TRPM3: variants seen among roughly 807,000 people sequenced by gnomAD.
The protein encoded by TRPM3 is transient receptor potential cation channel subfamily M member 3.
TRPM3 carries 77 observed loss-of-function variants against 181.2 expected under a neutral mutation model. That is an observed-to-expected ratio of 0.42 (90% confidence interval 0.35 to 0.51). TRPM3 has a LOEUF of 0.51. Among genes scored for constraint, TRPM3 ranks in the 20% least tolerant of loss-of-function variants. TRPM3 has a pLI of 0.01. For missense variants in TRPM3, 1,759 were observed against 2,196.7 expected, an observed-to-expected ratio of 0.80 and a Z score of 3.98; for synonymous variants, 745 against 796.4, an observed-to-expected ratio of 0.94 and a Z score of 1.09.
intron 1 of TRPM3, among the ~76,000 whole-genome samples, chr9:71,103,577 C>A (rs1221530042): frequency 2.6e-5 from 4 of 152,072 alleles, no homozygotes; most frequent in African/African-American, 9.7e-5. Flanking sequence ...ACAAAGAGGG[C>A]AGAACAATGA....
intron 1 of TRPM3, among the ~76,000 whole-genome samples, chr9:71,379,312 T>C (rs1457829459): frequency 6.6e-6 from 1 of 152,078 alleles, no homozygotes; most frequent in Non-Finnish European, 1.5e-5. Flanking sequence ...TCATATCAAC[T>C]TTTCTGAAAC....
chr9:70,827,291 C>A (rs1588917254), intron 6 of TRPM3: 1 of 149,376 alleles, frequency 6.7e-6, no homozygotes, highest in African/African-American at 2.4e-5. Flanking sequence ...TTCTGTTTAG[C>A]CACCAAAAAA....
chr9:70,822,759 T>TTGTGTGTGTGTGTG (rs113090222), intron 6 of TRPM3, among the ~76,000 whole-genome samples: 22 of 147,098 alleles, frequency 1.5e-4, no homozygotes, highest in African/African-American at 4.6e-4. Flanking sequence ...AAGATTTGTC[T>TTGTGTGTGTGTGTG]TGTGTGTGTG....
chr9:71,392,698 T>C (rs996536520), intron 1 of TRPM3, among the ~76,000 whole-genome samples: 3 of 152,136 alleles, frequency 2.0e-5, no homozygotes, highest in African/African-American at 4.8e-5. Context: ...GCACCTTCTA[T>C]ATAGCACTAT....
intron 1 of TRPM3, among the ~76,000 whole-genome samples, chr9:71,099,777 T>C (rs1352378680): frequency 6.6e-6 from 1 of 152,186 alleles, no homozygotes; most frequent in African/African-American, 2.4e-5. Context: ...TGTTACTTTA[T>C]TTGATCTTAA....
intron 6 of TRPM3, among the ~76,000 whole-genome samples, chr9:70,805,534 GAAAAAAAAAAAAAA>G (rs534322844): frequency 1.2e-5 from 1 of 82,696 alleles, no homozygotes; most frequent in Non-Finnish European, 2.8e-5. Context: ...ACTCCATCTC[GAAAAAAAAAAAAAA>G]AAAAAAAAAA....
intron 1 of TRPM3, among the ~76,000 whole-genome samples, chr9:71,440,072 G>A (rs972522146): frequency 6.6e-6 from 1 of 152,094 alleles, no homozygotes; most frequent in African/African-American, 2.4e-5. Flanking sequence ...GCAGTGAGCC[G>A]AGATTGAGCC....
chr9:71,309,385 A>C (rs915295584), intron 1 of TRPM3, among the ~76,000 whole-genome samples: 10 of 152,196 alleles, frequency 6.6e-5, no homozygotes, highest in African/African-American at 2.4e-4. Context: ...CCAGAAGGAT[A>C]CCAATTCAAT....
intron 1 of TRPM3, among the ~76,000 whole-genome samples, chr9:71,383,624 G>T (rs1376609000): frequency 6.6e-6 from 1 of 152,182 alleles, no homozygotes; most frequent in Non-Finnish European, 1.5e-5. Flanking sequence ...TAGTCTAAGA[G>T]TTCAAACTGC....
chr9:70,554,954 C>T (rs575194790), intron 22 of TRPM3, among the ~76,000 whole-genome samples: 1 of 152,296 alleles, frequency 6.6e-6, no homozygotes, highest in African/African-American at 2.4e-5. Context: ...AGGTCCTGAT[C>T]ATTTCCACCC....
At chr9:70,691,902 C>T (rs1238309029) in intron 8 of TRPM3, among the ~76,000 whole-genome samples, 1 of 152,134 alleles carries the variant, frequency 6.6e-6, no homozygotes, top group Admixed American at 6.5e-5. Flanking sequence ...GTTCTTAGTT[C>T]CTGTTTCTGG....
rs543559958 is a variant in TRPM3 at position 71,373,175 on chromosome 9, C to T, written c.183+73478G>A. 7.9e-5 allele frequency among the ~76,000 whole-genome samples: 12 copies of T among 152,072 alleles called. 1 individual carries two copies. The highest frequency in any genetic ancestry group is 3.9e-4 in the Admixed American group (6 of 15,256). On this transcript the variant is annotated intron_variant, in intron 1 of 24. Coordinates refer to the TRPM3 transcript ENST00000357533. ...ACATGCCCACATGAGAAAGCTAGAA[C>T]GATCTCAGTTAACAATCTAACATCT...
intron 1 of TRPM3, among the ~76,000 whole-genome samples, chr9:71,330,383 A>G (rs1166076557): frequency 1.3e-5 from 2 of 151,894 alleles, no homozygotes; most frequent in Admixed American, 1.3e-4. Flanking sequence ...GTATAGATTC[A>G]CACATAAATG....
chr9:71,125,193 C>T (rs555267042), upstream of TRPM3, among the ~76,000 whole-genome samples: 3 of 152,146 alleles, frequency 2.0e-5, no homozygotes, highest in South Asian at 4.2e-4. Flanking sequence ...TTTGAATTTT[C>T]TTTTTTAAAT....
At chr9:70,668,435 C>A (rs7037563) in intron 9 of TRPM3, among the ~76,000 whole-genome samples, 1,879 of 152,096 alleles carry the variant, frequency 0.012, 27 homozygotes, top group African/African-American at 0.035. Flanking sequence ...GAGGCCGAGG[C>A]GGGCGGATCA....
intron 1 of TRPM3, among the ~76,000 whole-genome samples, chr9:71,273,031 C>T (rs2062863): frequency 0.53 from 80,844 of 151,818 alleles, 21,706 homozygotes; most frequent in African/African-American, 0.62. Context: ...CATGCAACTG[C>T]ACCTGGCTGA....
chr9:71,312,624 C>T (rs910385954), intron 1 of TRPM3, among the ~76,000 whole-genome samples: 3 of 152,074 alleles, frequency 2.0e-5, no homozygotes, highest in Non-Finnish European at 4.4e-5. Context: ...CAGCTTTATT[C>T]AAAATTGCCA....
chr9:70,557,535 A>T (rs1269674071), intron 22 of TRPM3, among the ~76,000 whole-genome samples: 1 of 152,220 alleles, frequency 6.6e-6, no homozygotes, highest in Non-Finnish European at 1.5e-5. Flanking sequence ...CCACTGATGA[A>T]GATGAACTGG....
chr9:71,387,322 T>C (rs1033051341), intron 1 of TRPM3, among the ~76,000 whole-genome samples: 1 of 152,154 alleles, frequency 6.6e-6, no homozygotes, highest in Non-Finnish European at 1.5e-5. Context: ...AACCAGATAA[T>C]TGAGCATGAT....
Sources: gnomAD v4.1 joint callset for allele counts (sites outside exome capture counted in the v4.1 genomes callset) on GRCh38, gnomAD v4.1.1 for gene constraint, MANE v1.5 for transcripts, NCBI Gene and HGNC (gene_info 2026-07-23, HGNC 2026-07-21) for gene names.